ADAMTSL1: variants seen among roughly 807,000 people sequenced by gnomAD.
ADAMTSL1 encodes ADAMTS-like protein 1.
A neutral mutation model predicts 201.8 loss-of-function variants in ADAMTSL1; 126 were observed. The ratio of observed to expected loss-of-function variants is 0.62; its 90% CI spans 0.54 to 0.72. ADAMTSL1 has a LOEUF of 0.72. Ranked by LOEUF, ADAMTSL1 falls within the 30% of genes least tolerant of loss-of-function variation. The pLI is 0.00. For missense variants in ADAMTSL1, 2,679 were observed against 2,277.8 expected (o/e 1.18, Z -3.59); for synonymous variants, 1,121 against 903.4 (o/e 1.24, Z -4.32).
intron 4 of ADAMTSL1, among the ~76,000 whole-genome samples, chr9:18,618,074 C>T (rs1825809934): frequency 6.6e-6 from 1 of 152,174 alleles, no homozygotes; most frequent in Non-Finnish European, 1.5e-5. Context: ...CATGACATTT[C>T]TCTAATAATT....
chr9:17,916,668 C>T (rs1465386105), intron 1 of ADAMTSL1, among the ~76,000 whole-genome samples: 2 of 152,146 alleles, frequency 1.3e-5, no homozygotes, highest in Non-Finnish European at 2.9e-5. Context: ...CACTGAAGTA[C>T]ATGTTTATTG....
intron 1 of ADAMTSL1, among the ~76,000 whole-genome samples, chr9:17,958,126 T>C (rs1828000507): frequency 6.6e-6 from 1 of 152,178 alleles, no homozygotes. Flanking sequence ...TTCTTCCATT[T>C]GTGTCTTTAA....
chr9:18,616,474 G>A (rs923215531), intron 4 of ADAMTSL1, among the ~76,000 whole-genome samples: 10 of 152,310 alleles, frequency 6.6e-5, no homozygotes, highest in East Asian at 1.9e-4. Context: ...CACAATTAAT[G>A]TGTATCTATT....
chr9:18,067,322 T>C (rs560065830), intron 1 of ADAMTSL1, among the ~76,000 whole-genome samples: 1 of 152,288 alleles, frequency 6.6e-6, no homozygotes, highest in South Asian at 2.1e-4. Flanking sequence ...AAAGAGTTAA[T>C]ATGTATAATG....
At chr9:18,159,949 T>G (rs1262949730) in intron 1 of ADAMTSL1, among the ~76,000 whole-genome samples, 1 of 152,086 alleles carries the variant, frequency 6.6e-6, no homozygotes, top group African/African-American at 2.4e-5. Flanking sequence ...ATTTTCCCTT[T>G]AATGAAGTAG....
rs58666836 is a variant in ADAMTSL1 at position 18,625,272 on chromosome 9, GTTT to G, written c.601+2915_601+2917del. ...ACTTTCTTTCTGAACTTATATCCAA[GTTT>G]TTTTTTTTTTTCCCTTATGTTATCA... is the stretch of plus-strand genomic sequence containing the variant. On this transcript the variant is annotated intron_variant, in intron 5 of 28. Coordinates refer to ENST00000380548, the MANE Select transcript of ADAMTSL1 (RefSeq NM_001040272.6). 7.9e-3 allele frequency among the ~76,000 whole-genome samples: 1,151 copies of G among 145,952 alleles called. 14 individuals are homozygous for G. The highest frequency in any genetic ancestry group is 0.027 in the African/African-American group (1,096 of 39,974).
In ADAMTSL1 at chr9:18,777,451, G is replaced by T; in HGVS notation, c.3222G>T (p.Glu1074Asp). ...LLHLPFTMVT[E>D]QRRLDDILGN... ...ACCTGCCCTTCACCATGGTGACCGAGCAGCGGCGCCTGGACGACATCCTGG... is the reference window on the plus strand; with the variant it reads ...ACCTGCCCTTCACCATGGTGACCGATCAGCGGCGCCTGGACGACATCCTGG... The change falls in exon 19 of 29, where the codon GAG becomes GAT. Residue 1074 changes from glutamate (E) to aspartate (D), a missense_variant. Glu to Asp is a conservative substitution (Grantham distance 45). Transcript: ENST00000380548. 1 of 1,596,278 alleles carries T rather than the reference G, an allele frequency of 6.3e-7. No individual in the cohort carries two copies.
At chr9:18,166,286 A>C (rs967297805) in intron 2 of ADAMTSL1, among the ~76,000 whole-genome samples, 2 of 151,966 alleles carry the variant, frequency 1.3e-5, no homozygotes, top group African/African-American at 4.8e-5. Context: ...TTGAGGGTTT[A>C]ATCACAAATG....
Position 18,657,565 on chromosome 9 carries a change from C to G in ADAMTSL1, c.835-74C>G. 4 of 1,144,922 alleles carry G rather than the reference C, an allele frequency of 3.5e-6. No individual in the cohort carries two copies. In the South Asian group the frequency reaches 3.9e-5, roughly 11 times the overall value. 70.9% of individuals were successfully genotyped at this position (1,144,922 alleles called of 1,614,324 possible). On this transcript the variant is annotated intron_variant, in intron 7 of 28. Transcript: ENST00000380548. ...AAAACCATCAGCACTACCATATACT[C>G]TTGTTCGAAGCTGCAAGGGACCAGA...
At chr9:18,080,061 A>G (rs940956793) in intron 1 of ADAMTSL1, among the ~76,000 whole-genome samples, 8 of 152,352 alleles carry the variant, frequency 5.3e-5, no homozygotes, top group Non-Finnish European at 7.3e-5. Context: ...AAGTGTTACC[A>G]TAGGAGAGCC....
At chr9:17,992,493 C>G (rs756076966) in intron 1 of ADAMTSL1, among the ~76,000 whole-genome samples, 1 of 152,078 alleles carries the variant, frequency 6.6e-6, no homozygotes, top group African/African-American at 2.4e-5. Context: ...TACTTGGTCC[C>G]TTTAGTATCT....
At chr9:18,072,579 A>G (rs1342776621) in intron 1 of ADAMTSL1, among the ~76,000 whole-genome samples, 1 of 152,162 alleles carries the variant, frequency 6.6e-6, no homozygotes, top group Non-Finnish European at 1.5e-5. Context: ...AGAGAATGTT[A>G]TTTTCTATCT....
At chr9:18,485,166 C>T (rs1178119770) in intron 1 of ADAMTSL1, among the ~76,000 whole-genome samples, 1 of 152,062 alleles carries the variant, frequency 6.6e-6, no homozygotes, top group Non-Finnish European at 1.5e-5. Flanking sequence ...ATCACTCAGT[C>T]GGTAGGGGAA....
chr9:18,149,470 G>T (rs1331093), intron 1 of ADAMTSL1, among the ~76,000 whole-genome samples: 4 of 152,024 alleles, frequency 2.6e-5, no homozygotes, highest in Non-Finnish European at 4.4e-5. Context: ...GATAATTGTA[G>T]AAAAGTGGTA....
chr9:18,240,551 C>T (rs1306809575), intron 2 of ADAMTSL1, among the ~76,000 whole-genome samples: 1 of 152,110 alleles, frequency 6.6e-6, no homozygotes, highest in African/African-American at 2.4e-5. Context: ...TCTATTAACC[C>T]ATAACAAGAG....
At chr9:18,539,531 G>A (rs999174398) in intron 3 of ADAMTSL1, among the ~76,000 whole-genome samples, 1 of 152,140 alleles carries the variant, frequency 6.6e-6, no homozygotes, top group Non-Finnish European at 1.5e-5. Context: ...GAATATTCAA[G>A]GGAAACATAT....
intron 2 of ADAMTSL1, among the ~76,000 whole-genome samples, chr9:18,455,364 A>G (rs1820561066): frequency 6.6e-6 from 1 of 152,222 alleles, no homozygotes; most frequent in Non-Finnish European, 1.5e-5. Context: ...TGTTTTAAAT[A>G]TTCCACAGAA....
intron 1 of ADAMTSL1, among the ~76,000 whole-genome samples, chr9:18,071,528 T>TA (rs1172798987): frequency 6.6e-6 from 1 of 152,202 alleles, no homozygotes; most frequent in Non-Finnish European, 1.5e-5. Context: ...CTTTGTAAAT[T>TA]ACTAGACTAT....
At chr9:18,470,601 C>G (rs1034098621), upstream of ADAMTSL1, among the ~76,000 whole-genome samples, 2 of 152,150 alleles carry the variant, frequency 1.3e-5, no homozygotes, top group Admixed American at 6.5e-5. Flanking sequence ...ACACTGGTTT[C>G]TGCAGCTGAC....
Sources: allele counts gnomAD v4.1 joint callset (sites outside exome capture counted in the v4.1 genomes callset), GRCh38; gene constraint gnomAD v4.1.1; transcripts MANE v1.5; gene names NCBI Gene and HGNC (gene_info 2026-07-23, HGNC 2026-07-21).